The following LRP1B variants were observed in gnomAD, a reference collection of about 807,000 sequenced individuals.
LRP1B encodes the protein low-density lipoprotein receptor-related protein 1B.
LRP1B carries 217 observed loss-of-function variants against 556.6 expected under a neutral mutation model. The observed-to-expected ratio is 0.39, with a 90% CI of 0.35 to 0.44. The LOEUF (loss-of-function observed/expected upper bound fraction) is 0.44. Ranked by LOEUF, LRP1B falls within the 20% of genes least tolerant of loss-of-function variation. LRP1B has a pLI of 1.00. For missense variants in LRP1B, 5,053 were observed against 5,620.8 expected (o/e 0.90, Z 3.23); for synonymous variants, 2,047 against 1,865.8 (o/e 1.10, Z -2.50).
intron 2 of LRP1B, among the ~76,000 whole-genome samples, chr2:141,511,570 T>C (rs928600284): frequency 5.3e-5 from 8 of 152,190 alleles, no homozygotes; most frequent in Non-Finnish European, 1.2e-4. Context: ...TTGTAAAATA[T>C]GTTGTGTTGG....
intron 3 of LRP1B, among the ~76,000 whole-genome samples, chr2:141,384,637 T>TAATA (rs150484945): frequency 0.023 from 3,550 of 152,138 alleles, 66 homozygotes; most frequent in South Asian, 0.06. Flanking sequence ...CCCTAGAGCA[T>TAATA]AATAGCTCAG....
At chr2:141,555,457 C>G (rs1685926397) in intron 2 of LRP1B, among the ~76,000 whole-genome samples, 1 of 151,954 alleles carries the variant, frequency 6.6e-6, no homozygotes, top group Admixed American at 6.6e-5. Flanking sequence ...ACTAAAGATT[C>G]AAGTCCTGGA....
chr2:142,029,432 G>A (rs1703613178), intron 1 of LRP1B, among the ~76,000 whole-genome samples: 1 of 151,846 alleles, frequency 6.6e-6, no homozygotes, highest in Non-Finnish European at 1.5e-5. Context: ...GATGACTTCT[G>A]TTATATCCTA....
At chr2:140,681,636 G>GA (rs892332850) in intron 41 of LRP1B, among the ~76,000 whole-genome samples, 2 of 151,668 alleles carry the variant, frequency 1.3e-5, no homozygotes, top group East Asian at 1.9e-4. Flanking sequence ...ATAATTTAAC[G>GA]AAAAAAAGAC....
At chr2:140,524,953 A>G (rs1690367369) in intron 49 of LRP1B, among the ~76,000 whole-genome samples, 1 of 151,962 alleles carries the variant, frequency 6.6e-6, no homozygotes, top group Admixed American at 6.6e-5. Context: ...ATCAAAATTT[A>G]AACAATTATA....
intron 18 of LRP1B, among the ~76,000 whole-genome samples, chr2:140,955,519 T>C (rs1695846506): frequency 6.6e-6 from 1 of 151,792 alleles, no homozygotes; most frequent in South Asian, 2.1e-4. Flanking sequence ...ATGGCTTACA[T>C]GTCATCAAGT....
intron 35 of LRP1B, among the ~76,000 whole-genome samples, chr2:140,741,788 G>T (rs116836720): frequency 3.6e-3 from 540 of 152,096 alleles, no homozygotes; most frequent in African/African-American, 0.012. Flanking sequence ...AGGCCTCTGT[G>T]TCTATTGTTT....
At chr2:140,794,280 A>C (rs938724249) in intron 32 of LRP1B, among the ~76,000 whole-genome samples, 4 of 152,194 alleles carry the variant, frequency 2.6e-5, no homozygotes, top group Admixed American at 2.6e-4. Context: ...ATGTGAATAC[A>C]TAGGTAATTA....
At position 141,036,819 on chromosome 2, in the gene LRP1B, G is replaced by T. The variant is rs1467733340; in HGVS notation, c.1789+12167C>A. ...AAAGCTGTCTAACCCTGGAAAAGGG[G>T]CACAAAAATTGCCCGGACACAAAAT... On this transcript the variant is annotated intron_variant, in intron 11 of 90. Coordinates refer to ENST00000389484, the MANE Select transcript of LRP1B (RefSeq NM_018557.3). Among the ~76,000 whole-genome samples the T allele has an allele frequency of 8.6e-5, 13 of 151,950 alleles. No homozygotes were observed. The East Asian group carries it at 2.5e-3, about 30-fold the overall frequency.
intron 1 of LRP1B, among the ~76,000 whole-genome samples, chr2:141,860,068 C>T (rs901073463): frequency 1.3e-5 from 2 of 152,110 alleles, no homozygotes; most frequent in African/African-American, 2.4e-5. Flanking sequence ...CACTCTTTCT[C>T]GGCCATAATG....
At chr2:140,779,753 A>T (rs78102390) in intron 32 of LRP1B, among the ~76,000 whole-genome samples, 10 of 134,006 alleles carry the variant, frequency 7.5e-5, no homozygotes, top group East Asian at 6.5e-4. Flanking sequence ...TCTCTGTGAG[A>T]GAGTGTGTGT....
chr2:141,867,006 C>A (rs1406751427), intron 1 of LRP1B, among the ~76,000 whole-genome samples: 2 of 152,168 alleles, frequency 1.3e-5, no homozygotes, highest in Admixed American at 1.3e-4. Flanking sequence ...TTTCTTTGGA[C>A]CTTCCATTAG....
At chr2:142,010,674 C>T (rs570344551) in intron 1 of LRP1B, among the ~76,000 whole-genome samples, 4 of 151,844 alleles carry the variant, frequency 2.6e-5, no homozygotes, top group East Asian at 1.9e-4. Flanking sequence ...TAGATCAGCA[C>T]GATGGTGCAC....
intron 1 of LRP1B, among the ~76,000 whole-genome samples, chr2:142,057,320 G>A (rs1296855969): frequency 2.0e-5 from 3 of 152,128 alleles, no homozygotes; most frequent in Non-Finnish European, 2.9e-5. Flanking sequence ...TAAACGATCA[G>A]AGATCAGGGC....
intron 1 of LRP1B, among the ~76,000 whole-genome samples, chr2:141,861,684 C>T (rs1698243354): frequency 6.6e-6 from 1 of 152,164 alleles, no homozygotes; most frequent in Non-Finnish European, 1.5e-5. Flanking sequence ...AAATCCAGCA[C>T]TTTGGGAGGC....
intron 2 of LRP1B, among the ~76,000 whole-genome samples, chr2:141,492,079 G>GAAAAAAA (rs1553521014): frequency 0.019 from 150 of 8,054 alleles, 2 homozygotes; most frequent in African/African-American, 0.038. Context: ...TTAGCTTTCT[G>GAAAAAAA]AAAAAAAAAA....
intron 1 of LRP1B, among the ~76,000 whole-genome samples, chr2:141,819,264 A>C (rs1179941870): frequency 6.6e-6 from 1 of 152,066 alleles, no homozygotes; most frequent in South Asian, 2.1e-4. Context: ...AACAAAAAAA[A>C]AAACAAAAAA....
chr2:141,015,885 A>G lies in LRP1B; in HGVS notation c.2001T>C (p.Asp667=). Reference sequence around the variant, plus strand: ...TCCTTCCCACGCTGTCATCTATTTCATCTTCCTCCCAGTCTGTCCAATACA... The same window carrying G: ...TCCTTCCCACGCTGTCATCTATTTCGTCTTCCTCCCAGTCTGTCCAATACA... The part of the protein sequence containing the change: ...GWMYWTDWEE[D]EIDDSVGRIE... Residue 667 remains aspartate (D), a synonymous_variant, in exon 13 of 91, where the codon GAT becomes GAC. Coordinates refer to ENST00000389484, the MANE Select transcript of LRP1B (RefSeq NM_018557.3). 1 of 1,613,462 alleles carries G rather than the reference A, an allele frequency of 6.2e-7. No individual in the cohort carries two copies. The highest frequency in any genetic ancestry group is 8.5e-7 in the Non-Finnish European group (1 of 1,179,676).
intron 49 of LRP1B, among the ~76,000 whole-genome samples, chr2:140,525,459 C>T (rs1430495439): frequency 7.9e-5 from 12 of 151,840 alleles, no homozygotes; most frequent in Non-Finnish European, 1.8e-4. Flanking sequence ...TAAAACATTG[C>T]TGTACAATAA....
Sources: allele counts gnomAD v4.1 joint callset (sites outside exome capture counted in the v4.1 genomes callset), GRCh38; gene constraint gnomAD v4.1.1; transcripts MANE v1.5; gene names NCBI Gene and HGNC (gene_info 2026-07-23, HGNC 2026-07-21).